The following PAM variants were observed in gnomAD, a reference collection of about 807,000 sequenced individuals.
PAM encodes peptidylglycine alpha-amidating monooxygenase.
Under a neutral mutation model 122.1 loss-of-function variants are expected in PAM, and 72 were observed. The observed-to-expected ratio is 0.59, with a 90% CI of 0.49 to 0.72. The LOEUF is 0.72. Ranked by LOEUF, PAM falls within the 30% of genes least tolerant of loss-of-function variation. The probability of loss-of-function intolerance (pLI) is 0.00; values close to 1 mark genes in which losing one functional copy is unlikely to be tolerated. For synonymous variants in PAM, 389 were observed against 404.4 expected (o/e 0.96, Z 0.46); for missense variants, 1,106 against 1,183.7 (o/e 0.93, Z 0.96).
At chr5:102,923,486 C>A (rs1455888869) in intron 5 of PAM, among the ~76,000 whole-genome samples, 1 of 152,194 alleles carries the variant, frequency 6.6e-6, no homozygotes, top group Non-Finnish European at 1.5e-5. Flanking sequence ...GATCTGCCTA[C>A]ACACCTGACT....
intron 3 of PAM, among the ~76,000 whole-genome samples, chr5:102,896,897 CT>C (rs1261269809): frequency 6.6e-6 from 1 of 151,488 alleles, no homozygotes; most frequent in East Asian, 2.0e-4. Flanking sequence ...GTATAATTTT[CT>C]TTTGCTCTAG....
chr5:103,003,171 G>A (rs1777920169), intron 17 of PAM, 22 bp downstream of exon 17: 3 of 1,009,778 alleles, frequency 3.0e-6, no homozygotes, highest in Non-Finnish European at 4.8e-6. Context: ...GACTTATGTT[G>A]TTAAGACTTG....
At chr5:102,825,633 G>C (rs892836023) in intron 1 of PAM, among the ~76,000 whole-genome samples, 27 of 152,082 alleles carry the variant, frequency 1.8e-4, no homozygotes, top group African/African-American at 6.3e-4. Context: ...CAGAGAATAA[G>C]AGTAATGAAA....
At chr5:102,937,778 G>A (rs1273583630) in intron 7 of PAM, among the ~76,000 whole-genome samples, 3 of 152,104 alleles carry the variant, frequency 2.0e-5, no homozygotes, top group Non-Finnish European at 4.4e-5. Flanking sequence ...TGGTTTTCTA[G>A]TTTGTGTATG....
At chr5:102,859,055 A>G (rs1393512513) in intron 1 of PAM, among the ~76,000 whole-genome samples, 1 of 151,266 alleles carries the variant, frequency 6.6e-6, no homozygotes, top group Admixed American at 6.6e-5. Context: ...GATTGTGTAT[A>G]GTACGTAATA....
chr5:102,837,047 T>C (rs6872846), intron 1 of PAM, among the ~76,000 whole-genome samples: 11,787 of 152,208 alleles, frequency 0.077, 776 homozygotes, highest in African/African-American at 0.17. Flanking sequence ...TGGCTGCATT[T>C]ACCACTTTCC....
chr5:102,946,607 G>T (rs1000468423), intron 7 of PAM, among the ~76,000 whole-genome samples: 3 of 148,392 alleles, frequency 2.0e-5, no homozygotes, highest in African/African-American at 7.5e-5. Context: ...GATGAGTCAA[G>T]AAATACCATA....
At chr5:103,028,074 C>T in intron 24 of PAM, 111 bp from the exon 25 acceptor site, 1 of 799,640 alleles carries the variant, frequency 1.3e-6, no homozygotes, top group Admixed American at 2.0e-5. Context: ...CAGACAAGAG[C>T]CAGGCCTTGC....
At chr5:102,900,516 G>C (rs975817773) in intron 3 of PAM, among the ~76,000 whole-genome samples, 3 of 151,304 alleles carry the variant, frequency 2.0e-5, no homozygotes, top group African/African-American at 7.3e-5. Context: ...ACAATTTTTT[G>C]GTGCTAATTG....
rs771336806 is a variant in PAM, at chr5:102,866,182, G to T, written c.-14G>T. ...TGCCCGGTCCTCTCCCGGCGGGGTCGTATCGGCGTGGACATGGCTGGCCGC... is the reference window on the plus strand; with the variant it reads ...TGCCCGGTCCTCTCCCGGCGGGGTCTTATCGGCGTGGACATGGCTGGCCGC... On this transcript the variant is annotated 5_prime_UTR_variant, in exon 2 of 26. Coordinates refer to ENST00000438793, the MANE Select transcript of PAM (RefSeq NM_001177306.2). 1.0e-5 allele frequency: 16 copies of T among 1,592,868 alleles called. No individual in the cohort carries two copies. Among genetic ancestry groups the T allele is most frequent in the Non-Finnish European group, 9.5e-6 (11 of 1,162,534 alleles).
intron 1 of PAM, among the ~76,000 whole-genome samples, chr5:102,775,441 C>T (rs1756899997): frequency 6.6e-6 from 1 of 151,970 alleles, no homozygotes; most frequent in Non-Finnish European, 1.5e-5. Flanking sequence ...CAACCCATCA[C>T]CTAGGTATTA....
At chr5:102,775,914 A>T (rs140174509) in intron 1 of PAM, among the ~76,000 whole-genome samples, 2,181 of 152,292 alleles carry the variant, frequency 0.014, 60 homozygotes, top group South Asian at 0.1. Flanking sequence ...AGGAATTGCC[A>T]AACTGTCTTC....
intron 1 of PAM, among the ~76,000 whole-genome samples, chr5:102,820,272 G>A (rs186013822): frequency 1.2e-3 from 186 of 151,264 alleles, no homozygotes; most frequent in Middle Eastern, 0.01. Flanking sequence ...TTTCAAATCA[G>A]GGTCCTGTGT....
intron 1 of PAM, among the ~76,000 whole-genome samples, chr5:102,824,971 C>T (rs1773152615): frequency 6.6e-6 from 1 of 152,156 alleles, no homozygotes; most frequent in Non-Finnish European, 1.5e-5. Context: ...GGAAATAACC[C>T]ACCACTGACA....
At chr5:103,003,190 A>AT (rs1349241941) in intron 17 of PAM, 41 bp downstream of exon 17, 18 of 884,640 alleles carry the variant, frequency 2.0e-5, no homozygotes. Context: ...TGTACTACAT[A>AT]TATTGAGTAT....
chr5:102,961,363 C>A, intron 14 of PAM, 134 bp downstream of exon 14: 4 of 556,486 alleles, frequency 7.2e-6, no homozygotes, highest in African/African-American at 1.9e-5. Context: ...TATTTTTATA[C>A]AATGCATAAT....
At chr5:102,864,715 A>G (rs1785052415) in intron 1 of PAM, 2 of 152,066 alleles carry the variant, frequency 1.3e-5, no homozygotes, top group South Asian at 4.1e-4. Flanking sequence ...TTACTGTTAC[A>G]CATCTTCCCA....
At chr5:102,856,544 T>C (rs1007230371) in intron 1 of PAM, among the ~76,000 whole-genome samples, 5 of 152,142 alleles carry the variant, frequency 3.3e-5, no homozygotes, top group African/African-American at 1.2e-4. Context: ...TTGATACATG[T>C]GTTAGGAAGC....
At chr5:102,940,147 CACAT>C (rs1322018255) in intron 7 of PAM, among the ~76,000 whole-genome samples, 16 of 147,142 alleles carry the variant, frequency 1.1e-4, no homozygotes, top group Admixed American at 2.7e-4. Flanking sequence ...CACACACACA[CACAT>C]ACACACACAC....
Sources: gnomAD v4.1 joint callset for allele counts (sites outside exome capture counted in the v4.1 genomes callset) on GRCh38, gnomAD v4.1.1 for gene constraint, MANE v1.5 for transcripts, NCBI Gene and HGNC (gene_info 2026-07-23, HGNC 2026-07-21) for gene names.